CKAP4: variants seen among roughly 807,000 people sequenced by gnomAD.
CKAP4 encodes the protein cytoskeleton associated protein 4, also known as cytoskeleton-associated protein 4.
Under a neutral mutation model 24.4 loss-of-function variants are expected in CKAP4, and 20 were observed. The ratio of observed to expected loss-of-function variants is 0.82; its 90% CI spans 0.58 to 1.19. The LOEUF is 1.19. Among genes scored for constraint, CKAP4 ranks in the 50% most tolerant of loss-of-function variants. CKAP4 has a pLI of 0.00. For missense variants in CKAP4, 744 were observed against 765.3 expected (o/e 0.97, Z 0.33); for synonymous variants, 378 against 351.7 (o/e 1.07, Z -0.84).
chr12:106,237,991 G>GT lies in CKAP4; in HGVS notation c.*1032_*1033insA, dbSNP rs1182057887. 45 of 80,114 alleles carry GT rather than the reference G, an allele frequency of 5.6e-4. No homozygotes were observed. Among genetic ancestry groups the GT allele is most frequent in the African/African-American group, 3.2e-3 (43 of 13,374 alleles). The allele number at this position is 80,114 out of a possible 1,614,324, so 5.0% of individuals were successfully genotyped here. On this transcript the variant is annotated 3_prime_UTR_variant, in exon 2 of 2. Coordinates refer to ENST00000378026, the MANE Select transcript of CKAP4 (RefSeq NM_006825.4). ...TTTTTTTTTTTTTTTTTACTTTTCG[G>GT]GTTTTTTTTTTTTTTTTTTTTTCAA... is the stretch of plus-strand genomic sequence containing the variant.
In CKAP4 at chr12:106,247,831, C is replaced by G; in HGVS notation, c.21G>C (p.Arg7Ser). Residue 7 changes from arginine to serine, a missense_variant, in exon 1 of 2, where the codon AGG becomes AGC. Physicochemically the swap from Arg to Ser is moderately radical, Grantham distance 110. Around this residue, in one of 3 missense-constraint regions of CKAP4, gnomAD observed 300 missense variants for 264.5 expected, o/e 1.13. Transcript: ENST00000378026. The surrounding 1 kb of genome is among the most constrained non-coding windows in gnomAD (Gnocchi z 4.5). MPSAKQ[R>S]GSKGGHGAAS... is the part of the protein sequence containing the mutation. Reference sequence around the variant, plus strand: ...CGGCGCCGTGGCCGCCCTTGGAGCCCCTTTGTTTGGCCGAGGGCATGGCGG... The same window carrying G: ...CGGCGCCGTGGCCGCCCTTGGAGCCGCTTTGTTTGGCCGAGGGCATGGCGG... The G allele has an allele frequency of 9.5e-7, 1 of 1,047,764 alleles. No individual in the cohort carries two copies. Among genetic ancestry groups the G allele is most frequent in the Non-Finnish European group, 1.1e-6 (1 of 873,920 alleles). 64.9% of individuals were successfully genotyped at this position (1,047,764 alleles called of 1,614,324 possible).
At position 106,242,467 on chromosome 12, in the gene CKAP4, C is replaced by T. The variant is rs3782702; in HGVS notation, c.484-2118G>A. The stretch of plus-strand genomic sequence containing the variant: ...AGCATGAAGAGTCACATTCACTTTC[C>T]GAGTCCCAGGCTCCTCATCCAATAG... On this transcript the variant is annotated intron_variant, in intron 1 of 1. Coordinates refer to ENST00000378026, the MANE Select transcript of CKAP4 (RefSeq NM_006825.4). 9.0e-3 allele frequency among the ~76,000 whole-genome samples: 1,367 copies of T among 152,300 alleles called. 15 individuals are homozygous for T. Among genetic ancestry groups the T allele is most frequent in the East Asian group, 0.014 (74 of 5,184 alleles).
At chr12:106,244,413 T>C (rs2033990773) in intron 1 of CKAP4, among the ~76,000 whole-genome samples, 1 of 152,268 alleles carries the variant, frequency 6.6e-6, no homozygotes, top group African/African-American at 2.4e-5. Context: ...ATGCTTTGCA[T>C]AGTGCCTGGC....
Position 106,239,831 on chromosome 12 carries a change from C to G in CKAP4, c.1002G>C (p.Glu334Asp), listed in dbSNP as rs768253197. ...CGGCCGCCTCCTTGAAAGCCTGCTG[C>G]TCCTGCTTGAGGCTCACCAGCTCGC... ...EVRELVSLKQ[E>D]QQAFKEAADT... Residue 334 changes from glutamate to aspartate, a missense_variant, in exon 2 of 2, where the codon GAG (glutamate) becomes GAC (aspartate). This residue lies in a region of CKAP4 where 401 missense variants were observed against 424.5 expected (regional missense o/e 0.94). Coordinates refer to ENST00000378026, the MANE Select transcript of CKAP4 (RefSeq NM_006825.4). The surrounding 1 kb of genome is among the most constrained non-coding windows in gnomAD (Gnocchi z 4.9). 6.2e-7 allele frequency: 1 copy of G among 1,614,138 alleles called. No homozygotes were observed. The highest frequency in any genetic ancestry group is 2.2e-5 in the East Asian group (1 of 44,846).
chr12:106,239,183 C>G lies in CKAP4; in HGVS notation c.1650G>C (p.Leu550Phe), dbSNP rs1287513770. The change falls in exon 2 of 2, where the codon TTG (leucine) becomes TTC (phenylalanine). Residue 550 changes from leucine to phenylalanine, a missense_variant. By Grantham distance (22) the Leu-to-Phe change is conservative. This residue lies in a region of CKAP4 where 401 missense variants were observed against 424.5 expected (regional missense o/e 0.94). Transcript: ENST00000378026. This position sits in a 1 kb window ranked among gnomAD's most constrained non-coding sequence, Gnocchi z 4.9. ...KASVSQVEAD[L>F]KMLRTAVDSL... ...TGTCCACAGCAGTCCTGAGCATTTT[C>G]AAGTCCGCCTCCACTTGGCTGACTG... The G allele has an allele frequency of 3.1e-6, 5 of 1,614,068 alleles. No individual in the cohort carries two copies. The highest frequency in any genetic ancestry group is 4.2e-6 in the Non-Finnish European group (5 of 1,180,052).
chr12:106,241,239 G>C (rs1402776163), intron 1 of CKAP4, among the ~76,000 whole-genome samples: 1 of 152,100 alleles, frequency 6.6e-6, no homozygotes, highest in African/African-American at 2.4e-5. Context: ...ACAGGGAAAG[G>C]AGTACAAAGG....
chr12:106,246,631 A>T (rs1234139879), intron 1 of CKAP4: 1 of 152,320 alleles, frequency 6.6e-6, no homozygotes, highest in East Asian at 1.9e-4. Flanking sequence ...AATCCCAGCT[A>T]CTCAGGAGGC....
rs1202646295 is a variant in CKAP4, at chr12:106,247,279, C to A, written c.483+90G>T. On this transcript the variant is annotated intron_variant, in intron 1 of 1. Transcript: ENST00000378026. The surrounding 1 kb of genome is among the most constrained non-coding windows in gnomAD (Gnocchi z 4.5). ...CGCCTCCGGGCCTGGGCAGGCAGCG[C>A]TAGGGGCCGGTCGGGAAGCACGAAG... 47 of 1,239,304 alleles carry A rather than the reference C, an allele frequency of 3.8e-5. No individual in the cohort carries two copies. Among genetic ancestry groups the A allele is most frequent in the Non-Finnish European group, 4.9e-5 (45 of 920,944 alleles). The allele number at this position is 1,239,304 out of a possible 1,614,324, so 76.8% of individuals were successfully genotyped here. A position where few individuals can be genotyped will look rare whatever the true frequency, so the allele number is the denominator to read the frequency against.
chr12:106,240,499 C>T, intron 1 of CKAP4, 150 bp from the exon 2 acceptor site: 1 of 893,502 alleles, frequency 1.1e-6, no homozygotes, highest in Middle Eastern at 3.5e-4. Flanking sequence ...CACATATAGT[C>T]CATATGGTTT....
chr12:106,241,662 T>A (rs986881644), intron 1 of CKAP4, among the ~76,000 whole-genome samples: 3 of 152,102 alleles, frequency 2.0e-5, no homozygotes, highest in Admixed American at 1.3e-4. Flanking sequence ...TAATTCACTA[T>A]CCCCTGGATC....
intron 1 of CKAP4, among the ~76,000 whole-genome samples, chr12:106,244,881 T>A (rs890096813): frequency 3.9e-5 from 6 of 152,204 alleles, no homozygotes; most frequent in African/African-American, 1.4e-4. Flanking sequence ...GATGGAGCCC[T>A]CTTCTCATTG....
intron 1 of CKAP4, among the ~76,000 whole-genome samples, chr12:106,243,134 G>A (rs2033981235): frequency 6.6e-6 from 1 of 152,222 alleles, no homozygotes; most frequent in Admixed American, 6.5e-5. Context: ...TGGGGGGACT[G>A]GGTGTTAGCA....
rs71442016 is a variant in CKAP4, at chr12:106,238,662, C to CTT, written c.*360_*361dup. On this transcript the variant is annotated 3_prime_UTR_variant, in exon 2 of 2. Transcript: ENST00000378026. ...AAAGAAAAGGGTCCCCCCAACCCACCTTTTTTTTTTTTTTACTTGAAATCT... is the reference window on the plus strand; with the variant it reads ...AAAGAAAAGGGTCCCCCCAACCCACCTTTTTTTTTTTTTTTTACTTGAAATCT... The CTT allele has an allele frequency of 1.8e-4, 28 of 158,638 alleles. No individual in the cohort carries two copies. The highest frequency in any genetic ancestry group is 2.8e-3 in the Middle Eastern group (1 of 354). The allele number at this position is 158,638 out of a possible 1,614,324, so 9.8% of individuals were successfully genotyped here. A position where few individuals can be genotyped will look rare whatever the true frequency, so the allele number is the denominator to read the frequency against.
Position 106,239,977 on chromosome 12 carries a change from A to G in CKAP4, c.856T>C (p.Leu286=). ...LEESEGNKQD[L]KALKEAVKEI... ...TTCACAGCTTCCTTTAAGGCTTTCAAATCCTGCTTGTTCCCCTCAGATTCT... is the reference window on the plus strand; with the variant it reads ...TTCACAGCTTCCTTTAAGGCTTTCAGATCCTGCTTGTTCCCCTCAGATTCT... Residue 286 remains leucine (L), a synonymous_variant, in exon 2 of 2, where the codon TTG becomes CTG. Coordinates refer to ENST00000378026, the MANE Select transcript of CKAP4 (RefSeq NM_006825.4). This position sits in a 1 kb window ranked among gnomAD's most constrained non-coding sequence, Gnocchi z 4.9. 1 of 1,614,000 alleles carries G rather than the reference A, an allele frequency of 6.2e-7. No individual in the cohort carries two copies. The highest frequency in any genetic ancestry group is 1.1e-5 in the South Asian group (1 of 91,074).
At chr12:106,242,015 C>T (rs554034265) in intron 1 of CKAP4, among the ~76,000 whole-genome samples, 1 of 152,236 alleles carries the variant, frequency 6.6e-6, no homozygotes, top group South Asian at 2.1e-4. Flanking sequence ...CACTTGAACA[C>T]TGCCATGATA....
At position 106,247,943 on chromosome 12, in the gene CKAP4, G is replaced by T; in HGVS notation, c.-92C>A. On this transcript the variant is annotated 5_prime_UTR_variant, in exon 1 of 2. Coordinates refer to ENST00000378026, the MANE Select transcript of CKAP4 (RefSeq NM_006825.4). The surrounding 1 kb of genome is among the most constrained non-coding windows in gnomAD (Gnocchi z 4.5). ...ACTTGCAGGGGCTCCCCCGGGACTG[G>T]GCGAGCGGCACGCGGGCGCTGCTGG... 1 of 812,926 alleles carries T rather than the reference G, an allele frequency of 1.2e-6. No individual in the cohort carries two copies. Among genetic ancestry groups the T allele is most frequent in the Non-Finnish European group, 1.5e-6 (1 of 668,718 alleles). 50.4% of individuals were successfully genotyped at this position (812,926 alleles called of 1,614,324 possible).
chr12:106,244,727 C>T (rs990942097), intron 1 of CKAP4, among the ~76,000 whole-genome samples: 1 of 152,192 alleles, frequency 6.6e-6, no homozygotes, highest in Non-Finnish European at 1.5e-5. Context: ...GAGTTCAAGG[C>T]TGCAGTGAGC....
chr12:106,237,992 GTTTTTTTT>G lies in CKAP4; in HGVS notation c.*1024_*1031del. ...TTTTTTTTTTTTTTTTACTTTTCGG[GTTTTTTTT>G]TTTTTTTTTTTTTCAATTTTTTTTG... On this transcript the variant is annotated 3_prime_UTR_variant, in exon 2 of 2. Transcript: ENST00000378026. 2 of 70,512 alleles carry G rather than the reference GTTTTTTTT, an allele frequency of 2.8e-5. No individual in the cohort carries two copies. Among genetic ancestry groups the G allele is most frequent in the South Asian group, 7.4e-4 (1 of 1,356 alleles). 4.4% of individuals were successfully genotyped at this position (70,512 alleles called of 1,614,324 possible). A position where few individuals can be genotyped will look rare whatever the true frequency, so the allele number is the denominator to read the frequency against.
Position 106,239,241 on chromosome 12 carries a change from T to C in CKAP4, c.1592A>G (p.Asp531Gly). The change falls in exon 2 of 2, where the codon GAC (aspartate) becomes GGC (glycine). Residue 531 changes from aspartate to glycine, a missense_variant. This residue lies in a region of CKAP4 where 401 missense variants were observed against 424.5 expected (regional missense o/e 0.94). Transcript: ENST00000378026. This position sits in a 1 kb window ranked among gnomAD's most constrained non-coding sequence, Gnocchi z 4.9. ...AARLPPQDFLDRLSSLDNLKA... is the reference protein window; with the variant it reads ...AARLPPQDFLGRLSSLDNLKA... The stretch of plus-strand genomic sequence containing the variant: ...CAGGTTGTCTAGAGAAGAAAGTCTG[T>C]CCAGGAAGTCCTGAGGAGGCAGACG... 1.2e-6 allele frequency: 2 copies of C among 1,614,088 alleles called. No homozygotes were observed. Among genetic ancestry groups the C allele is most frequent in the Non-Finnish European group, 1.7e-6 (2 of 1,180,032 alleles).
Sources: gnomAD v4.1 joint callset for allele counts (sites outside exome capture counted in the v4.1 genomes callset) on GRCh38, gnomAD v4.1.1 for gene constraint, gnomAD v4.1.1 regional missense constraint, Gnocchi (gnomAD v3.1) non-coding constraint, MANE v1.5 for transcripts, NCBI Gene and HGNC (gene_info 2026-07-23, HGNC 2026-07-21) for gene names.